Variants in SDCCAG8 observed in about 807,000 individuals in gnomAD.
SDCCAG8 encodes the protein SHH signaling and ciliogenesis regulator SDCCAG8, also known as serologically defined colon cancer antigen 8.
A neutral mutation model predicts 101.8 loss-of-function variants in SDCCAG8; 74 were observed. The ratio of observed to expected loss-of-function variants is 0.73; its 90% CI spans 0.60 to 0.88. The LOEUF (loss-of-function observed/expected upper bound fraction) is 0.88, where lower values mean the gene tolerates loss of function less well. SDCCAG8 is among the 40% of genes least tolerant of loss of function. The pLI, the probability that SDCCAG8 is intolerant of heterozygous loss-of-function variation, is 0.00. For missense variants in SDCCAG8, 787 were observed against 822.6 expected (o/e 0.96, Z 0.53); for synonymous variants, 281 against 292.9 (o/e 0.96, Z 0.41).
rs202114636 is a variant in SDCCAG8 at position 243,270,155 on chromosome 1, G to A, written c.118G>A (p.Asp40Asn). ...HQLTCALKEG[D>N]VTIGEDAPNL... is the part of the protein sequence containing the mutation. ...ACTGACATGTGCCCTGAAAGAAGGCGATGTCACTATTGGAGAAGATGCACC... is the reference window on the plus strand; with the variant it reads ...ACTGACATGTGCCCTGAAAGAAGGCAATGTCACTATTGGAGAAGATGCACC... The change falls in exon 2 of 18, where the codon GAT (aspartate) becomes AAT (asparagine). Residue 40 changes from aspartate to asparagine, a missense_variant. Coordinates refer to ENST00000366541, the MANE Select transcript of SDCCAG8 (RefSeq NM_006642.5). 8.7e-6 allele frequency: 14 copies of A among 1,614,160 alleles called. No homozygotes were observed. Among genetic ancestry groups the A allele is most frequent in the Admixed American group, 6.7e-5 (4 of 60,018 alleles).
intron 4 of SDCCAG8, 95 bp downstream of exon 4, chr1:243,274,751 G>A (rs1412931744): frequency 6.8e-6 from 5 of 733,980 alleles, no homozygotes; most frequent in South Asian, 1.5e-5. Context: ...CTTCATGTTT[G>A]TAGCAATACA....
At chr1:243,289,458 CAGTTA>C (rs1454585190) in intron 5 of SDCCAG8, among the ~76,000 whole-genome samples, 1 of 152,192 alleles carries the variant, frequency 6.6e-6, no homozygotes, top group African/African-American at 2.4e-5. Flanking sequence ...TCCTTCAATC[CAGTTA>C]AGTTGACACT....
At position 243,437,360 on chromosome 1, in the gene SDCCAG8, G is replaced by A. The variant is rs562996116; in HGVS notation, c.1985+10802G>A. Among the ~76,000 whole-genome samples the A allele has an allele frequency of 6.8e-4, 104 of 152,210 alleles. 1 individual carries two copies. Among genetic ancestry groups the A allele is most frequent in the African/African-American group, 2.5e-3 (103 of 41,518 alleles). On this transcript the variant is annotated intron_variant, in intron 16 of 17. Transcript: ENST00000366541. ...TTCCCCTTTAGAAGCTTCGAATCCA[G>A]TGCGGGAGGTATACGGTAATCATAC...
chr1:243,300,793 A>G (rs1037540253), intron 6 of SDCCAG8, among the ~76,000 whole-genome samples: 1 of 152,194 alleles, frequency 6.6e-6, no homozygotes, highest in African/African-American at 2.4e-5. Flanking sequence ...TTCAGTTTCC[A>G]TATACTTCAC....
At chr1:243,378,474 CT>C (rs1202390619) in intron 12 of SDCCAG8, among the ~76,000 whole-genome samples, 1 of 152,162 alleles carries the variant, frequency 6.6e-6, no homozygotes, top group African/African-American at 2.4e-5. Context: ...CAATTATCCA[CT>C]TTGACTACTC....
At chr1:243,460,809 G>A (rs967387817) in intron 16 of SDCCAG8, among the ~76,000 whole-genome samples, 5 of 152,116 alleles carry the variant, frequency 3.3e-5, no homozygotes, top group Non-Finnish European at 5.9e-5. Context: ...TGACGGCAGC[G>A]TGTTCGGCTT....
chr1:243,431,652 A>AT (rs893663874), intron 16 of SDCCAG8, among the ~76,000 whole-genome samples: 36 of 149,952 alleles, frequency 2.4e-4, no homozygotes, highest in Middle Eastern at 3.5e-3. Flanking sequence ...TGGCAGTGCC[A>AT]TTTTTTTTTT....
intron 17 of SDCCAG8, among the ~76,000 whole-genome samples, chr1:243,496,839 A>G (rs763128029): frequency 9.9e-5 from 15 of 152,224 alleles, no homozygotes; most frequent in Admixed American, 6.5e-4. Context: ...GATGACTCCG[A>G]TAGGATTTAA....
At chr1:243,419,137 C>T (rs1461184796) in intron 15 of SDCCAG8, among the ~76,000 whole-genome samples, 2 of 151,996 alleles carry the variant, frequency 1.3e-5, no homozygotes, top group African/African-American at 4.8e-5. Context: ...TCAGAGGGCT[C>T]GTGCATCCAA....
chr1:243,276,052 C>T (rs1254752885), intron 4 of SDCCAG8, among the ~76,000 whole-genome samples: 4 of 151,626 alleles, frequency 2.6e-5, no homozygotes, highest in African/African-American at 9.7e-5. Flanking sequence ...TTTGTAGAGA[C>T]GGGGTTTCAC....
intron 3 of SDCCAG8, 137 bp downstream of exon 3, chr1:243,271,200 C>G: frequency 3.0e-6 from 2 of 669,200 alleles, no homozygotes; most frequent in Non-Finnish European, 5.5e-6. Context: ...TCTCTTCCCT[C>G]TGATTATTTT....
At chr1:243,263,809 A>C (rs2067373331) in intron 1 of SDCCAG8, among the ~76,000 whole-genome samples, 1 of 152,180 alleles carries the variant, frequency 6.6e-6, no homozygotes, top group Admixed American at 6.5e-5. Flanking sequence ...TCTCTTTCAC[A>C]ATTGTAATTG....
intron 16 of SDCCAG8, among the ~76,000 whole-genome samples, chr1:243,466,004 G>A (rs1400617361): frequency 6.6e-6 from 1 of 152,102 alleles, no homozygotes; most frequent in Non-Finnish European, 1.5e-5. Context: ...ATCTTAGTGG[G>A]GCTGGCTAAT....
chr1:243,439,014 A>G (rs1237952848), intron 16 of SDCCAG8, among the ~76,000 whole-genome samples: 1 of 152,228 alleles, frequency 6.6e-6, no homozygotes, highest in African/African-American at 2.4e-5. Flanking sequence ...AACCTGTGCA[A>G]GGATTAAATA....
At chr1:243,375,757 A>G (rs1231843559) in intron 12 of SDCCAG8, among the ~76,000 whole-genome samples, 1 of 152,126 alleles carries the variant, frequency 6.6e-6, no homozygotes, top group Non-Finnish European at 1.5e-5. Context: ...ATATACAGCC[A>G]GGGAAGCAGC....
intron 13 of SDCCAG8, among the ~76,000 whole-genome samples, chr1:243,379,482 C>A (rs572010519): frequency 2.6e-5 from 4 of 152,170 alleles, no homozygotes; most frequent in African/African-American, 9.6e-5. Flanking sequence ...TGTAGCTCGG[C>A]CCTAAATTAC....
In SDCCAG8 at chr1:243,360,763, G is replaced by A. The variant is rs756352308; in HGVS notation, c.1473+16432G>A. Among the ~76,000 whole-genome samples, 27 of 152,082 alleles carry A rather than the reference G, an allele frequency of 1.8e-4. 1 individual carries two copies. Among genetic ancestry groups the A allele is most frequent in the Admixed American group, 1.0e-3 (16 of 15,282 alleles). ...TTTGAACCCGGGTGGTGGAGGTTGC[G>A]GTGAGCCGGGATTGCGCCACTGCAC... On this transcript the variant is annotated intron_variant, in intron 12 of 17. Transcript: ENST00000366541.
intron 13 of SDCCAG8, among the ~76,000 whole-genome samples, chr1:243,394,901 C>T (rs768773643): frequency 2.0e-5 from 3 of 151,594 alleles, no homozygotes; most frequent in Non-Finnish European, 4.4e-5. Context: ...TAGTATCAAA[C>T]TATCTAAACT....
In SDCCAG8 at chr1:243,458,029, C is replaced by T. The variant is rs903054528; in HGVS notation, c.1986-30985C>T. Among the ~76,000 whole-genome samples the T allele has an allele frequency of 2.0e-5, 3 of 152,218 alleles. No individual in the cohort carries two copies. Among genetic ancestry groups the T allele is most frequent in the Non-Finnish European group, 4.4e-5 (3 of 68,034 alleles). ...AGGTGTGCTGGTATGGATAGAGGTC[C>T]TGCAGAAACCTTCAGGACCCATCCC... is the stretch of plus-strand genomic sequence containing the variant. On this transcript the variant is annotated intron_variant, in intron 16 of 17. Coordinates refer to ENST00000366541, the MANE Select transcript of SDCCAG8 (RefSeq NM_006642.5). This position sits in a 1 kb window ranked among gnomAD's most constrained non-coding sequence, Gnocchi z 4.5.
Sources: allele counts gnomAD v4.1 joint callset (sites outside exome capture counted in the v4.1 genomes callset), GRCh38; gene constraint gnomAD v4.1.1; non-coding constraint Gnocchi (gnomAD v3.1); transcripts MANE v1.5; gene names NCBI Gene and HGNC (gene_info 2026-07-23, HGNC 2026-07-21).